PTPRG: variants seen among roughly 807,000 people sequenced by gnomAD.
PTPRG encodes receptor-type tyrosine-protein phosphatase gamma.
PTPRG carries 102 observed loss-of-function variants against 165.3 expected under a neutral mutation model. The observed-to-expected ratio is 0.62, with a 90% CI of 0.53 to 0.73. The LOEUF (loss-of-function observed/expected upper bound fraction) is 0.73. PTPRG is among the 30% of genes least tolerant of loss of function. The pLI, the probability that PTPRG is intolerant of heterozygous loss-of-function variation, is 0.00. For synonymous variants in PTPRG, 675 were observed against 669.5 expected (o/e 1.01, Z -0.13); for missense variants, 1,866 against 1,861.4 (o/e 1.00, Z -0.05).
intron 1 of PTPRG, among the ~76,000 whole-genome samples, chr3:61,604,232 G>A (rs976903713): frequency 2.6e-5 from 4 of 152,228 alleles, no homozygotes; most frequent in African/African-American, 9.6e-5. Flanking sequence ...GCTGAGGCAG[G>A]AGAATCACTT....
chr3:62,131,669 C>G (rs536057521), intron 5 of PTPRG, among the ~76,000 whole-genome samples: 1 of 152,002 alleles, frequency 6.6e-6, no homozygotes, highest in African/African-American at 2.4e-5. Context: ...TTGAAAAACT[C>G]TTTATTTTGG....
chr3:62,293,285 A>G lies in PTPRG; in HGVS notation c.4316A>G (p.Glu1439Gly). Residue 1439 changes from glutamate to glycine, a missense_variant, in exon 30 of 30, where the codon GAG becomes GGG. Physicochemically the swap from Glu to Gly is moderately conservative, Grantham distance 98 (BLOSUM62 -2). Coordinates refer to ENST00000474889, the MANE Select transcript of PTPRG (RefSeq NM_002841.4). ...ATTGCAGATGAATCAGACCCTGCTG[A>G]GAGCATGGAGTCCCTAGTGTGACTG... The part of the protein sequence containing the change: ...VLIADESDPA[E>G]SMESLV The G allele has an allele frequency of 6.2e-7, 1 of 1,600,610 alleles. No homozygotes were observed. Among genetic ancestry groups the G allele is most frequent in the Non-Finnish European group, 8.5e-7 (1 of 1,175,562 alleles).
At position 62,191,498 on chromosome 3, in the gene PTPRG, G is replaced by A; in HGVS notation, c.1063G>A (p.Val355Met). ...CAGCTCTCCACCCATCCACATGAAG[G>A]TGCAGCCTCTGAACCAGACGGCACT... ...VCSSPPIHMK[V>M]QPLNQTALQV... is the part of the protein sequence containing the mutation. Residue 355 changes from valine (V) to methionine (M), a missense_variant, in exon 9 of 30, where the codon GTG (valine) becomes ATG (methionine). Coordinates refer to ENST00000474889, the MANE Select transcript of PTPRG (RefSeq NM_002841.4). 6.2e-7 allele frequency: 1 copy of A among 1,614,044 alleles called. No homozygotes were observed. The highest frequency in any genetic ancestry group is 2.2e-5 in the East Asian group (1 of 44,872).
chr3:61,743,016 C>G, intron 1 of PTPRG: 2 of 1,567,826 alleles, frequency 1.3e-6, no homozygotes, highest in Non-Finnish European at 1.8e-6. Flanking sequence ...GCAACTCCAC[C>G]GTCTCCAGGA....
At chr3:61,740,005 G>T (rs2032916037) in intron 1 of PTPRG, among the ~76,000 whole-genome samples, 1 of 152,216 alleles carries the variant, frequency 6.6e-6, no homozygotes, top group Admixed American at 6.5e-5. Flanking sequence ...ATACACCCAT[G>T]CATACATGTA....
At chr3:61,726,685 C>T (rs1305862069) in intron 1 of PTPRG, among the ~76,000 whole-genome samples, 1 of 152,062 alleles carries the variant, frequency 6.6e-6, no homozygotes, top group East Asian at 1.9e-4. Context: ...TTTTTGCATC[C>T]CTAGAAATTT....
intron 1 of PTPRG, among the ~76,000 whole-genome samples, chr3:61,591,945 T>A (rs2106823674): frequency 6.6e-6 from 1 of 152,130 alleles, no homozygotes; most frequent in African/African-American, 2.4e-5. Flanking sequence ...AGAAAACAGA[T>A]GTGAAGTGCT....
chr3:62,072,302 C>T (rs6794664), intron 4 of PTPRG, among the ~76,000 whole-genome samples: 11,366 of 152,084 alleles, frequency 0.075, 506 homozygotes, highest in South Asian at 0.12. Flanking sequence ...GTTTCCTGGT[C>T]GATGATGATG....
intron 5 of PTPRG, among the ~76,000 whole-genome samples, chr3:62,110,826 G>A (rs1357283889): frequency 6.6e-6 from 1 of 152,162 alleles, no homozygotes; most frequent in Non-Finnish European, 1.5e-5. Context: ...GCTGTAAGTT[G>A]GTAGGTTCTC....
At chr3:62,040,641 G>A (rs1700096726) in intron 4 of PTPRG, among the ~76,000 whole-genome samples, 2 of 151,974 alleles carry the variant, frequency 1.3e-5, no homozygotes, top group African/African-American at 4.8e-5. Flanking sequence ...TTTCAGTAGA[G>A]TTGGGATTTC....
intron 1 of PTPRG, among the ~76,000 whole-genome samples, chr3:61,622,189 T>C (rs894902309): frequency 1.3e-5 from 2 of 152,202 alleles, no homozygotes; most frequent in Admixed American, 6.5e-5. Context: ...TGCCTCCCTC[T>C]CCAACACCTC....
chr3:62,248,798 A>G (rs1701347534), intron 15 of PTPRG, among the ~76,000 whole-genome samples: 1 of 152,220 alleles, frequency 6.6e-6, no homozygotes, highest in Admixed American at 6.5e-5. Flanking sequence ...TAATAAGAGC[A>G]TTACAAAACA....
intron 2 of PTPRG, among the ~76,000 whole-genome samples, chr3:61,800,652 G>A (rs915369325): frequency 6.7e-6 from 1 of 149,978 alleles, no homozygotes; most frequent in Non-Finnish European, 1.5e-5. Flanking sequence ...AACTGTGCAC[G>A]GTACTCTGTT....
At chr3:62,259,424 C>T (rs1701628584) in intron 16 of PTPRG, among the ~76,000 whole-genome samples, 1 of 152,130 alleles carries the variant, frequency 6.6e-6, no homozygotes, top group South Asian at 2.1e-4. Context: ...AAAAAAAACC[C>T]TCAATGTTTT....
chr3:62,108,888 TG>T (rs1174233370), intron 5 of PTPRG, among the ~76,000 whole-genome samples: 1 of 152,222 alleles, frequency 6.6e-6, no homozygotes, highest in African/African-American at 2.4e-5. Flanking sequence ...TTGATGGGGT[TG>T]TTTTTTTCTT....
rs1553648153 is a variant in PTPRG, at chr3:61,676,471, A to AG, written c.86-72407_86-72406insG. Reference sequence around the variant, plus strand: ...GACTCCATCTCAAAAAAAAAAAAAAAAAAGAAAATTACTAAAGTCTGTGAA... The same window carrying AG: ...GACTCCATCTCAAAAAAAAAAAAAAAGAAAGAAAATTACTAAAGTCTGTGAA... On this transcript the variant is annotated intron_variant, in intron 1 of 29. Coordinates refer to ENST00000474889, the MANE Select transcript of PTPRG (RefSeq NM_002841.4). Among the ~76,000 whole-genome samples the AG allele has an allele frequency of 3.0e-5, 3 of 99,022 alleles. 1 individual carries two copies. In the South Asian group the frequency reaches 9.5e-4, roughly 31 times the overall value. The allele number at this position is 99,022 out of a possible 152,430, so 65.0% of individuals were successfully genotyped here.
intron 4 of PTPRG, among the ~76,000 whole-genome samples, chr3:62,072,155 A>C (rs1050561509): frequency 6.6e-6 from 1 of 152,220 alleles, no homozygotes; most frequent in Non-Finnish European, 1.5e-5. Context: ...CTTTGTATGT[A>C]TCACACTAGT....
chr3:61,716,445 T>C (rs1388071168), intron 1 of PTPRG, among the ~76,000 whole-genome samples: 1 of 152,194 alleles, frequency 6.6e-6, no homozygotes, highest in African/African-American at 2.4e-5. Flanking sequence ...TGGAAGCATT[T>C]TGGATTATTA....
At chr3:61,877,434 C>G (rs933834424) in intron 2 of PTPRG, among the ~76,000 whole-genome samples, 2 of 152,002 alleles carry the variant, frequency 1.3e-5, no homozygotes, top group Non-Finnish European at 2.9e-5. Context: ...ATAAGTAAAC[C>G]ACAGAGAAGC....
Sources: allele counts gnomAD v4.1 joint callset (sites outside exome capture counted in the v4.1 genomes callset), GRCh38; gene constraint gnomAD v4.1.1; transcripts MANE v1.5; gene names NCBI Gene and HGNC (gene_info 2026-07-23, HGNC 2026-07-21).